Variants in KCNIP4 observed in about 807,000 individuals in gnomAD.
KCNIP4 encodes the protein potassium voltage-gated channel interacting protein 4.
Under a neutral mutation model 34.0 loss-of-function variants are expected in KCNIP4, and 12 were observed. That is an observed-to-expected ratio of 0.35 (90% confidence interval 0.23 to 0.57). KCNIP4 has a LOEUF of 0.57. Ranked by LOEUF, KCNIP4 falls within the 20% of genes least tolerant of loss-of-function variation. The pLI is 0.83. For synonymous variants in KCNIP4, 124 were observed against 102.2 expected, an observed-to-expected ratio of 1.21 and a Z score of -1.29; for missense variants, 238 against 311.7, an observed-to-expected ratio of 0.76 and a Z score of 1.78.
intron 1 of KCNIP4, among the ~76,000 whole-genome samples, chr4:21,504,465 C>CAAAAAAAAAAAAAAAAA (rs376644707): frequency 1.2e-4 from 7 of 56,312 alleles, no homozygotes; most frequent in Admixed American, 3.9e-4. Context: ...GACTCCAACT[C>CAAAAAAAAAAAAAAAAA]AAAAAAAAAA....
intron 2 of KCNIP4, among the ~76,000 whole-genome samples, chr4:20,882,119 C>G (rs979061518): frequency 6.6e-6 from 1 of 152,144 alleles, no homozygotes; most frequent in Non-Finnish European, 1.5e-5. Flanking sequence ...AGAATCTTGA[C>G]TGATACAGGG....
chr4:21,220,061 TATTA>T (rs1371980299), intron 1 of KCNIP4, among the ~76,000 whole-genome samples: 12 of 152,184 alleles, frequency 7.9e-5, no homozygotes, highest in Non-Finnish European at 1.2e-4. Context: ...ACAAAGAAGT[TATTA>T]ATTATTTGTT....
At position 20,916,262 on chromosome 4, in the gene KCNIP4, C is replaced by T. The variant is rs541564073; in HGVS notation, c.62-33553G>A. ...TTTCTGCCCCAAAGAGCTCTCTTCTCTGACCTCCACCCACATTTCCTGCCC... is the reference window on the plus strand; with the variant it reads ...TTTCTGCCCCAAAGAGCTCTCTTCTTTGACCTCCACCCACATTTCCTGCCC... On this transcript the variant is annotated intron_variant, in intron 1 of 8. Transcript: ENST00000382152. 2.2e-5 allele frequency: 21 copies of T among 941,980 alleles called. No individual in the cohort carries two copies. In the African/African-American group the frequency reaches 2.3e-4, roughly 10 times the overall value. The allele number at this position is 941,980 out of a possible 1,614,324, so 58.4% of individuals were successfully genotyped here.
At chr4:21,481,488 G>A (rs947347562) in intron 1 of KCNIP4, among the ~76,000 whole-genome samples, 5 of 152,158 alleles carry the variant, frequency 3.3e-5, no homozygotes, top group African/African-American at 1.2e-4. Context: ...GGTCATAGTG[G>A]CTTGGGATCT....
In KCNIP4 at chr4:20,835,561, T is replaced by A. The variant is rs1400105402; in HGVS notation, c.288+14982A>T. ...TGGTTCATTATATGCATTCAATGCA[T>A]GTTATTTTTCTTACAATTGTTAGTA... On this transcript the variant is annotated intron_variant, in intron 3 of 8. Transcript: ENST00000382152. Among the ~76,000 whole-genome samples, 7 of 152,288 alleles carry A rather than the reference T, an allele frequency of 4.6e-5. No homozygotes were observed. The South Asian group carries it at 1.5e-3, about 32-fold the overall frequency.
intron 1 of KCNIP4, among the ~76,000 whole-genome samples, chr4:21,698,046 T>C (rs1426525741): frequency 6.6e-6 from 1 of 152,026 alleles, no homozygotes; most frequent in East Asian, 1.9e-4. Flanking sequence ...CTTGACACAG[T>C]GTTAATCAGA....
At chr4:21,352,739 A>C (rs965875583) in intron 1 of KCNIP4, among the ~76,000 whole-genome samples, 1 of 152,216 alleles carries the variant, frequency 6.6e-6, no homozygotes, top group Non-Finnish European at 1.5e-5. Flanking sequence ...CTACAGACTT[A>C]AACATCCCCG....
At chr4:21,694,928 A>AC (rs1247353206) in intron 1 of KCNIP4, among the ~76,000 whole-genome samples, 4 of 122,896 alleles carry the variant, frequency 3.3e-5, no homozygotes, top group Non-Finnish European at 3.6e-5. Context: ...AAAAAAAAAA[A>AC]AATAAAAATA....
chr4:21,632,221 TC>T (rs1745815506), intron 1 of KCNIP4, among the ~76,000 whole-genome samples: 3 of 152,142 alleles, frequency 2.0e-5, no homozygotes, highest in Admixed American at 2.0e-4. Context: ...TCAAAAATAG[TC>T]TTTTGTCAGA....
intron 1 of KCNIP4, among the ~76,000 whole-genome samples, chr4:21,595,614 A>G (rs960873734): frequency 6.6e-6 from 1 of 152,088 alleles, no homozygotes; most frequent in Non-Finnish European, 1.5e-5. Context: ...CCAACAGTGT[A>G]AGAGCATTCC....
chr4:21,070,033 G>A (rs759216666), intron 1 of KCNIP4, among the ~76,000 whole-genome samples: 3 of 152,100 alleles, frequency 2.0e-5, no homozygotes, highest in East Asian at 1.9e-4. Context: ...CACTAACCTC[G>A]GATCCAACTC....
At chr4:21,660,664 A>G (rs1163778640) in intron 1 of KCNIP4, among the ~76,000 whole-genome samples, 1 of 152,196 alleles carries the variant, frequency 6.6e-6, no homozygotes, top group Admixed American at 6.5e-5. Context: ...CCTGGAGGTT[A>G]GAGTGGGCTC....
chr4:20,909,487 C>G (rs886763209), intron 1 of KCNIP4, among the ~76,000 whole-genome samples: 8 of 152,168 alleles, frequency 5.3e-5, no homozygotes, highest in Non-Finnish European at 1.0e-4. Context: ...TAAGGCCACA[C>G]AGAGAACAGA....
chr4:21,142,097 G>T (rs1285454897), intron 1 of KCNIP4, among the ~76,000 whole-genome samples: 3 of 147,666 alleles, frequency 2.0e-5, no homozygotes, highest in Admixed American at 6.9e-5. Context: ...GTTGCAGTGA[G>T]CTGAGATCGT....
intron 1 of KCNIP4, among the ~76,000 whole-genome samples, chr4:21,816,978 C>T (rs536855217): frequency 4.3e-4 from 65 of 152,242 alleles, no homozygotes; most frequent in African/African-American, 1.3e-3. Flanking sequence ...TAATTAATGC[C>T]TGTAAAGCTC....
intron 1 of KCNIP4, among the ~76,000 whole-genome samples, chr4:21,408,318 G>C (rs1298493550): frequency 6.6e-6 from 1 of 152,112 alleles, no homozygotes; most frequent in Non-Finnish European, 1.5e-5. Context: ...GGTTATTGAG[G>C]GTAGCCTGTT....
chr4:21,577,289 C>A (rs1256228295), intron 1 of KCNIP4, among the ~76,000 whole-genome samples: 1 of 152,136 alleles, frequency 6.6e-6, no homozygotes, highest in Admixed American at 6.5e-5. Flanking sequence ...TGCAAGACAC[C>A]TCATGATCTG....
At chr4:21,790,386 C>T (rs1720196371) in intron 1 of KCNIP4, among the ~76,000 whole-genome samples, 1 of 152,126 alleles carries the variant, frequency 6.6e-6, no homozygotes, top group African/African-American at 2.4e-5. Context: ...CTCATTGTAT[C>T]TTGTGTTTAG....
intron 1 of KCNIP4, among the ~76,000 whole-genome samples, chr4:21,432,070 T>C (rs1306772423): frequency 2.5e-5 from 3 of 117,672 alleles, no homozygotes; most frequent in Non-Finnish European, 5.1e-5. Flanking sequence ...TCATAGTGTA[T>C]TCAATGTGTG....
Sources: allele counts gnomAD v4.1 joint callset (sites outside exome capture counted in the v4.1 genomes callset), GRCh38; gene constraint gnomAD v4.1.1; transcripts MANE v1.5; gene names NCBI Gene and HGNC (gene_info 2026-07-23, HGNC 2026-07-21).